Variants in ZNF503 observed in about 807,000 individuals in gnomAD.
ZNF503 encodes NocA-like zinc finger 2.
In ZNF503, 15 loss-of-function variants were observed where a neutral mutation model predicts 34.4. That is an observed-to-expected ratio of 0.44 (90% CI 0.29 to 0.67). ZNF503 has a LOEUF of 0.67. Among genes scored for constraint, ZNF503 ranks in the 30% least tolerant of loss-of-function variants. ZNF503 has a pLI of 0.13. For missense variants in ZNF503, 1,007 were observed against 926.8 expected, an observed-to-expected ratio of 1.09 and a Z score of -1.12; for synonymous variants, 580 against 456.8, an observed-to-expected ratio of 1.27 and a Z score of -3.44.
chr10:75,385,472 A>G, the ZNF503 span, among the ~76,000 whole-genome samples: 2 of 152,238 alleles, frequency 1.3e-5, no homozygotes, highest in Non-Finnish European at 2.9e-5. Context: ...AGCCTGGGCC[A>G]GGAGTTGTCT....
chr10:75,339,132 G>A, the ZNF503 span, among the ~76,000 whole-genome samples: 1 of 152,204 alleles, frequency 6.6e-6, no homozygotes, highest in African/African-American at 2.4e-5. Flanking sequence ...TAGAGAGGCT[G>A]AGACAGGAGA....
the ZNF503 span, among the ~76,000 whole-genome samples, chr10:75,346,512 C>G: frequency 6.6e-6 from 1 of 151,660 alleles, no homozygotes; most frequent in African/African-American, 2.4e-5. Context: ...CTCACTGCAG[C>G]CTCAACTTCC....
chr10:75,358,685 G>C, the ZNF503 span: 3 of 152,246 alleles, frequency 2.0e-5, no homozygotes, highest in East Asian at 5.8e-4. Flanking sequence ...ACTTCCAGCA[G>C]AGGTTAATCC....
the ZNF503 span, among the ~76,000 whole-genome samples, chr10:75,345,767 G>T: frequency 2.0e-5 from 3 of 152,232 alleles, no homozygotes; most frequent in Middle Eastern, 3.4e-3. Context: ...TGCTTGTTAT[G>T]GGGGCTGGCG....
chr10:75,366,809 C>T, the ZNF503 span, among the ~76,000 whole-genome samples: 1 of 152,342 alleles, frequency 6.6e-6, no homozygotes, highest in East Asian at 1.9e-4. Context: ...TGTAAATATC[C>T]TAGCTCCTTC....
At chr10:75,380,061 T>C in the ZNF503 span, among the ~76,000 whole-genome samples, 1 of 152,174 alleles carries the variant, frequency 6.6e-6, no homozygotes, top group Non-Finnish European at 1.5e-5. Context: ...GAACCAGACC[T>C]GCTCACTCTA....
In ZNF503 at chr10:75,400,277, G is replaced by A. The variant is rs759988869; in HGVS notation, c.413C>T (p.Ala138Val). ...PSPSSKLSSVASNGGGAGGAG... is the reference protein window; with the variant it reads ...PSPSSKLSSVVSNGGGAGGAG... ...ACCGCCCGCGCCGCCCCCGTTGGAGGCAACCGAGGAGAGTTTGGAGGAGGG... is the reference window on the plus strand; with the variant it reads ...ACCGCCCGCGCCGCCCCCGTTGGAGACAACCGAGGAGAGTTTGGAGGAGGG... Residue 138 changes from alanine to valine, a missense_variant, in exon 2 of 2, where the codon GCC becomes GTC. Transcript: ENST00000372524. 1.1e-5 allele frequency: 18 copies of A among 1,613,296 alleles called. No individual in the cohort carries two copies. Among genetic ancestry groups the A allele is most frequent in the Admixed American group, 8.3e-5 (5 of 59,988 alleles).
At chr10:75,355,686 T>C in the ZNF503 span, among the ~76,000 whole-genome samples, 8 of 152,230 alleles carry the variant, frequency 5.3e-5, no homozygotes, top group Non-Finnish European at 1.2e-4. Flanking sequence ...CATTGAAAGG[T>C]ACATTTGGCT....
the ZNF503 span, among the ~76,000 whole-genome samples, chr10:75,337,840 C>T: frequency 6.6e-6 from 1 of 152,174 alleles, no homozygotes; most frequent in African/African-American, 2.4e-5. Context: ...CCCTTTTATT[C>T]TTTGGATTGG....
At chr10:75,359,536 C>T in the ZNF503 span, among the ~76,000 whole-genome samples, 1 of 152,206 alleles carries the variant, frequency 6.6e-6, no homozygotes, top group Non-Finnish European at 1.5e-5. Flanking sequence ...GTTGACTGCT[C>T]TTGAGTTTGC....
At chr10:75,342,796 C>T in the ZNF503 span, among the ~76,000 whole-genome samples, 2 of 152,128 alleles carry the variant, frequency 1.3e-5, no homozygotes, top group Non-Finnish European at 2.9e-5. Context: ...CTTGCTGGGA[C>T]TTCTGCCTAG....
the ZNF503 span, among the ~76,000 whole-genome samples, chr10:75,290,366 T>C: frequency 6.6e-6 from 1 of 152,220 alleles, no homozygotes; most frequent in African/African-American, 2.4e-5. Flanking sequence ...GTGGGTCAGA[T>C]ACCTCTGTTG....
the ZNF503 span, among the ~76,000 whole-genome samples, chr10:75,330,534 A>G: frequency 1.3e-5 from 2 of 152,108 alleles, no homozygotes; most frequent in East Asian, 3.9e-4. Context: ...GTTACTTGTA[A>G]TTGGTCTATT....
chr10:75,375,384 G>A, the ZNF503 span, among the ~76,000 whole-genome samples: 1 of 152,136 alleles, frequency 6.6e-6, no homozygotes, highest in African/African-American at 2.4e-5. Context: ...GCCTCCCAAA[G>A]TGCTGGGATT....
the ZNF503 span, among the ~76,000 whole-genome samples, chr10:75,353,975 G>A: frequency 6.6e-6 from 1 of 152,262 alleles, no homozygotes; most frequent in Non-Finnish European, 1.5e-5. Flanking sequence ...CTTGCTGAAA[G>A]TGGGGTAGGG....
At chr10:75,323,598 A>G in the ZNF503 span, among the ~76,000 whole-genome samples, 1 of 152,058 alleles carries the variant, frequency 6.6e-6, no homozygotes, top group African/African-American at 2.4e-5. Context: ...GGTGGTTTTA[A>G]TTTGCATGTC....
the ZNF503 span, among the ~76,000 whole-genome samples, chr10:75,291,317 G>A: frequency 3.3e-5 from 5 of 152,062 alleles, no homozygotes; most frequent in Non-Finnish European, 7.4e-5. Flanking sequence ...ATTTTTTAAA[G>A]AAGCCACATC....
the ZNF503 span, among the ~76,000 whole-genome samples, chr10:75,317,808 C>T: frequency 6.6e-6 from 1 of 151,998 alleles, no homozygotes; most frequent in East Asian, 1.9e-4. Flanking sequence ...CCAGCCTGGC[C>T]AACATGGTGA....
chr10:75,379,677 A>T, the ZNF503 span, among the ~76,000 whole-genome samples: 5 of 152,236 alleles, frequency 3.3e-5, no homozygotes, highest in African/African-American at 4.8e-5. Flanking sequence ...ATCCTCTTGG[A>T]TCTTTTAATT....
Sources: gnomAD v4.1 joint callset for allele counts (sites outside exome capture counted in the v4.1 genomes callset) on GRCh38, gnomAD v4.1.1 for gene constraint, MANE v1.5 for transcripts, NCBI Gene and HGNC (gene_info 2026-07-23, HGNC 2026-07-21) for gene names.